THSD7B: variants seen among roughly 807,000 people sequenced by gnomAD.
THSD7B encodes thrombospondin type 1 domain containing 7B.
In THSD7B, 138 loss-of-function variants were observed where a neutral mutation model predicts 213.6. The ratio of observed to expected loss-of-function variants is 0.65; its 90% CI spans 0.56 to 0.74. THSD7B has a LOEUF of 0.74. THSD7B is among the 30% of genes least tolerant of loss of function. THSD7B has a pLI of 0.00. For missense variants in THSD7B, 1,931 were observed against 1,991.5 expected (o/e 0.97, Z 0.58); for synonymous variants, 742 against 687.0 (o/e 1.08, Z -1.25).
intron 15 of THSD7B, among the ~76,000 whole-genome samples, chr2:137,538,910 A>G (rs1004480073): frequency 1.5e-4 from 23 of 151,676 alleles, no homozygotes. Flanking sequence ...ACAGCCGAGA[A>G]TTTTATACAT....
chr2:137,432,380 A>C (rs886601643), intron 14 of THSD7B, among the ~76,000 whole-genome samples: 64 of 152,194 alleles, frequency 4.2e-4, no homozygotes, highest in Admixed American at 4.6e-4. Context: ...ACAGAGCGGA[A>C]CTCTGTCTCA....
At chr2:136,803,416 A>T (rs1390077655) in intron 1 of THSD7B, among the ~76,000 whole-genome samples, 1 of 152,174 alleles carries the variant, frequency 6.6e-6, no homozygotes, top group African/African-American at 2.4e-5. Flanking sequence ...GTCAAATTTT[A>T]AAGCTAAATA....
intron 3 of THSD7B, 124 bp from the exon 4 acceptor site, chr2:137,094,749 A>T (rs188026061): frequency 2.4e-5 from 31 of 1,270,748 alleles, no homozygotes; most frequent in East Asian, 1.6e-4. Context: ...AAAATTTTTT[A>T]AAAATCTTCC....
chr2:137,606,871 T>A (rs1158986189), intron 17 of THSD7B, among the ~76,000 whole-genome samples: 1 of 151,820 alleles, frequency 6.6e-6, no homozygotes, highest in Non-Finnish European at 1.5e-5. Flanking sequence ...AGATTAAGAG[T>A]TTCGTGTGCC....
intron 15 of THSD7B, among the ~76,000 whole-genome samples, chr2:137,554,954 C>G (rs1680925495): frequency 6.6e-6 from 1 of 152,224 alleles, no homozygotes; most frequent in Non-Finnish European, 1.5e-5. Flanking sequence ...ACTGCTAGCA[C>G]AGCAGTCTGA....
At chr2:137,585,260 A>G (rs948899297) in intron 17 of THSD7B, among the ~76,000 whole-genome samples, 2 of 151,764 alleles carry the variant, frequency 1.3e-5, no homozygotes, top group Non-Finnish European at 2.9e-5. Flanking sequence ...CTAGCACTCT[A>G]TCAATTTTTT....
intron 2 of THSD7B, among the ~76,000 whole-genome samples, chr2:136,902,243 G>C (rs1325676165): frequency 2.0e-5 from 3 of 152,212 alleles, no homozygotes; most frequent in Non-Finnish European, 4.4e-5. Context: ...TAGGGGTCTT[G>C]TTTAGGATGA....
At chr2:137,407,385 A>T (rs1686549324) in intron 13 of THSD7B, among the ~76,000 whole-genome samples, 1 of 152,054 alleles carries the variant, frequency 6.6e-6, no homozygotes, top group East Asian at 1.9e-4. Context: ...GTGTATCTTT[A>T]TGTCTACGTG....
intron 12 of THSD7B, among the ~76,000 whole-genome samples, chr2:137,357,464 G>A (rs1289775352): frequency 2.0e-5 from 3 of 151,916 alleles, no homozygotes; most frequent in Admixed American, 6.6e-5. Flanking sequence ...CTTATTTATA[G>A]GATTGTTATA....
intron 14 of THSD7B, among the ~76,000 whole-genome samples, chr2:137,434,413 T>C (rs1687249272): frequency 6.6e-6 from 1 of 152,196 alleles, no homozygotes; most frequent in Admixed American, 6.5e-5. Context: ...AGTATGTTCA[T>C]AAATTTTTGT....
chr2:137,583,854 G>A (rs1030893793), intron 17 of THSD7B, among the ~76,000 whole-genome samples: 42 of 152,278 alleles, frequency 2.8e-4, no homozygotes, highest in African/African-American at 9.1e-4. Flanking sequence ...CTTTAAAGTA[G>A]TTTTTTCCAA....
chr2:137,478,857 T>A (rs1259428622), intron 15 of THSD7B, among the ~76,000 whole-genome samples: 1 of 152,216 alleles, frequency 6.6e-6, no homozygotes, highest in Non-Finnish European at 1.5e-5. Context: ...ATTTGCTCAG[T>A]GGCTTATGTT....
At position 137,060,614 on chromosome 2, in the gene THSD7B, A is replaced by C. The variant is rs2375110; in HGVS notation, c.950+3384A>C. Among the ~76,000 whole-genome samples, 19 of 152,132 alleles carry C rather than the reference A, an allele frequency of 1.2e-4. No homozygotes were observed. The East Asian group carries it at 3.7e-3, about 29-fold the overall frequency. On this transcript the variant is annotated intron_variant, in intron 3 of 27. Transcript: ENST00000409968. ...GTTGTTCCAGCACCATTTATTGTAA[A>C]GAATATCTTTTCTCTATTGAGTTAC...
At chr2:137,271,851 T>C (rs1414284481) in intron 10 of THSD7B, among the ~76,000 whole-genome samples, 1 of 152,120 alleles carries the variant, frequency 6.6e-6, no homozygotes. Flanking sequence ...TCAGAAGGCA[T>C]CTAAAGATTG....
chr2:136,885,504 T>C (rs1683702851), intron 2 of THSD7B, among the ~76,000 whole-genome samples: 1 of 152,162 alleles, frequency 6.6e-6, no homozygotes, highest in South Asian at 2.1e-4. Flanking sequence ...AGACACTCTG[T>C]TAGCTGTGTC....
intron 4 of THSD7B, among the ~76,000 whole-genome samples, chr2:137,111,147 TA>T (rs1161055515): frequency 1.3e-5 from 2 of 152,260 alleles, no homozygotes; most frequent in African/African-American, 4.8e-5. Context: ...GCTCTCATTA[TA>T]AAATGATTAT....
rs533526858 is a variant in THSD7B, at chr2:137,246,984, T to C, written c.2266+4412T>C. On this transcript the variant is annotated intron_variant, in intron 10 of 27. Transcript: ENST00000409968. ...AAGGATATCTGCGATAAATTCTCCA[T>C]AGGTGACTTATAAGCAGTGAAGGAT... 2.5e-4 allele frequency among the ~76,000 whole-genome samples: 38 copies of C among 152,302 alleles called. No homozygotes were observed. The South Asian group carries it at 5.0e-3, about 20-fold the overall frequency.
At chr2:137,069,456 A>G (rs1253145952) in intron 3 of THSD7B, among the ~76,000 whole-genome samples, 1 of 152,010 alleles carries the variant, frequency 6.6e-6, no homozygotes, top group Non-Finnish European at 1.5e-5. Flanking sequence ...AATCAGATCA[A>G]TGGGTTTTAC....
intron 12 of THSD7B, among the ~76,000 whole-genome samples, chr2:137,364,777 G>A (rs1428733650): frequency 2.0e-5 from 3 of 152,160 alleles, no homozygotes; most frequent in Admixed American, 2.0e-4. Context: ...CATGCTCATG[G>A]ATAGGAAGAA....
Sources: allele counts gnomAD v4.1 joint callset (sites outside exome capture counted in the v4.1 genomes callset), GRCh38; gene constraint gnomAD v4.1.1; transcripts MANE v1.5; gene names NCBI Gene and HGNC (gene_info 2026-07-23, HGNC 2026-07-21).